CEBPA: variants seen among roughly 807,000 people sequenced by gnomAD.
CEBPA encodes the protein CCAAT/enhancer-binding protein alpha.
A neutral mutation model predicts 5.1 loss-of-function variants in CEBPA; 2 were observed. The observed-to-expected ratio is 0.39, with a 90% CI of 0.16 to 1.23. The LOEUF (loss-of-function observed/expected upper bound fraction) is 1.23. CEBPA is among the 50% of genes most tolerant of loss of function. The pLI, the probability that CEBPA is intolerant of heterozygous loss-of-function variation, is 0.34. For synonymous variants in CEBPA, 275 were observed against 264.1 expected (o/e 1.04, Z -0.40); for missense variants, 455 against 537.4 (o/e 0.85, Z 1.52).
Position 33,302,001 on chromosome 19 carries a change from G to A in CEBPA, c.414C>T (p.Tyr138=), listed in dbSNP as rs2145262272. The A allele has an allele frequency of 4.2e-6, 5 of 1,185,250 alleles. No individual in the cohort carries two copies. Among genetic ancestry groups the A allele is most frequent in the Non-Finnish European group, 5.2e-6 (5 of 956,710 alleles). The allele number at this position is 1,185,250 out of a possible 1,614,324, so 73.4% of individuals were successfully genotyped here. A position where few individuals can be genotyped will look rare whatever the true frequency, so the allele number is the denominator to read the frequency against. ...ACAGGGGCTCCAGCCTGCCGTCCAG[G>A]TAGCCGGCGGCCGCGCAGCCGTAGC... ...PPGYGCAAAG[Y]LDGRLEPLYE... Residue 138 remains tyrosine, a synonymous_variant, in exon 1 of 1, where the codon TAC becomes TAT. Coordinates refer to ENST00000498907, the MANE Select transcript of CEBPA (RefSeq NM_004364.5).
In CEBPA at chr19:33,301,768, G is replaced by C; in HGVS notation, c.647C>G (p.Thr216Ser). 1 of 1,205,190 alleles carries C rather than the reference G, an allele frequency of 8.3e-7. No homozygotes were observed. Among genetic ancestry groups the C allele is most frequent in the Non-Finnish European group, 1.0e-6 (1 of 970,872 alleles). 74.7% of individuals were successfully genotyped at this position (1,205,190 alleles called of 1,614,324 possible). The change falls in exon 1 of 1, where the codon ACC becomes AGC. Residue 216 changes from threonine (T) to serine (S), a missense_variant. This residue lies in a region of CEBPA where 118 missense variants were observed against 189.3 expected (regional missense o/e 0.62). Coordinates refer to ENST00000498907, the MANE Select transcript of CEBPA (RefSeq NM_004364.5). This position sits in a 1 kb window ranked among gnomAD's most constrained non-coding sequence, Gnocchi z 6.0. ...LQFQIAHCGQ[T>S]TMHLQPGHPT... ...GTGACCGGGCTGCAGGTGCATGGTG[G>C]TCTGGCCGCAGTGCGCGATCTGGAA...
In CEBPA at chr19:33,301,563, C is replaced by A. The variant is rs376856647; in HGVS notation, c.852G>T (p.Glu284Asp). 1 of 1,612,826 alleles carries A rather than the reference C, an allele frequency of 6.2e-7. No homozygotes were observed. Among genetic ancestry groups the A allele is most frequent in the Non-Finnish European group, 8.5e-7 (1 of 1,179,690 alleles). ...TGTTGCGCTCGCGCCGCACCCGGTA[C>A]TCGTTGCTGTTCTTGTCCACCGACT... ...AKKSVDKNSN[E>D]YRVRRERNNI... The change falls in exon 1 of 1, where the codon GAG becomes GAT. Residue 284 changes from glutamate (E) to aspartate (D), a missense_variant. Coordinates refer to ENST00000498907, the MANE Select transcript of CEBPA (RefSeq NM_004364.5). The surrounding 1 kb of genome is among the most constrained non-coding windows in gnomAD (Gnocchi z 6.0).
rs1967168282 is a variant in CEBPA at position 33,301,622 on chromosome 19, C to T, written c.793G>A (p.Ala265Thr). The change falls in exon 1 of 1, where the codon GCG becomes ACG. Residue 265 changes from alanine (A) to threonine (T), a missense_variant. Transcript: ENST00000498907. The surrounding 1 kb of genome is among the most constrained non-coding windows in gnomAD (Gnocchi z 6.0). ...GLGAAHPDLR[A>T]SGGSGAGKAK... ...TTGCCCGCGCCGCTGCCGCCACTCGCGCGGAGGTCGGGGTGCGCGGCGCCC... is the reference window on the plus strand; with the variant it reads ...TTGCCCGCGCCGCTGCCGCCACTCGTGCGGAGGTCGGGGTGCGCGGCGCCC... The T allele has an allele frequency of 1.3e-5, 20 of 1,586,336 alleles. No homozygotes were observed. The highest frequency in any genetic ancestry group is 1.6e-5 in the Non-Finnish European group (19 of 1,169,628).
In CEBPA at chr19:33,301,725, C is replaced by A. The variant is rs34529039; in HGVS notation, c.690G>T (p.Thr230=). ...GCGCGGGGTGCGGGCTGGGCACGGG[C>A]GTGGGCGGCGGCGTGGGGTGACCGG... The part of the protein sequence containing the change: ...LQPGHPTPPP[T]PVPSPHPAPA... Residue 230 remains threonine, a synonymous_variant, in exon 1 of 1, where the codon ACG becomes ACT. Coordinates refer to ENST00000498907, the MANE Select transcript of CEBPA (RefSeq NM_004364.5). This position sits in a 1 kb window ranked among gnomAD's most constrained non-coding sequence, Gnocchi z 6.0. 0.14 allele frequency: 161,377 copies of A among 1,149,514 alleles called. 12,241 individuals carry two copies. Among genetic ancestry groups the A allele is most frequent in the African/African-American group, 0.26 (15,685 of 60,904 alleles). The allele number at this position is 1,149,514 out of a possible 1,614,324, so 71.2% of individuals were successfully genotyped here.
Position 33,302,088 on chromosome 19 carries a change from C to G in CEBPA, c.327G>C (p.Pro109=), listed in dbSNP as rs1269033726. 7.7e-7 allele frequency: 1 copy of G among 1,300,314 alleles called. No homozygotes were observed. Among genetic ancestry groups the G allele is most frequent in the Non-Finnish European group, 9.8e-7 (1 of 1,018,274 alleles). The allele number at this position is 1,300,314 out of a possible 1,614,324, so 80.5% of individuals were successfully genotyped here. A position where few individuals can be genotyped will look rare whatever the true frequency, so the allele number is the denominator to read the frequency against. ...CGCCGCCGGGGCCCGCGGGCGCGCCCGGGTAGTCAAAGTCGCCGCCGCCGC... is the reference window on the plus strand; with the variant it reads ...CGCCGCCGGGGCCCGCGGGCGCGCCGGGGTAGTCAAAGTCGCCGCCGCCGC... ...GGGGGGDFDY[P]GAPAGPGGAV... is the part of the protein sequence containing the mutation. Residue 109 remains proline (P), a synonymous_variant, in exon 1 of 1, where the codon CCG becomes CCC. Transcript: ENST00000498907.
Position 33,300,017 on chromosome 19 carries a change from C to G in CEBPA, c.*1321G>C, listed in dbSNP as rs1600018005. On this transcript the variant is annotated 3_prime_UTR_variant, in exon 1 of 1. Transcript: ENST00000498907. Reference sequence around the variant, plus strand: ...TACGTTCTCCCCAAAAGAAGAGAACCAAGCCGTCCTTCCCTGCTCCCAGCC... The same window carrying G: ...TACGTTCTCCCCAAAAGAAGAGAACGAAGCCGTCCTTCCCTGCTCCCAGCC... The G allele has an allele frequency of 4.3e-6, 1 of 233,336 alleles. No homozygotes were observed. The highest frequency in any genetic ancestry group is 6.0e-5 in the East Asian group (1 of 16,690). 14.5% of individuals were successfully genotyped at this position (233,336 alleles called of 1,614,324 possible).
In CEBPA at chr19:33,301,081, C is replaced by T. The variant is rs1568418704; in HGVS notation, c.*257G>A. 2 of 601,520 alleles carry T rather than the reference C, an allele frequency of 3.3e-6. No homozygotes were observed. The highest frequency in any genetic ancestry group is 5.8e-6 in the Non-Finnish European group (2 of 344,846). The allele number at this position is 601,520 out of a possible 1,614,324, so 37.3% of individuals were successfully genotyped here. A position where few individuals can be genotyped will look rare whatever the true frequency, so the allele number is the denominator to read the frequency against. ...AGGTTATCCTAAATACTAGAGTTGC[C>T]GGGCTCCCAGCTCAGCCCCAAGAAT... is the stretch of plus-strand genomic sequence containing the variant. On this transcript the variant is annotated 3_prime_UTR_variant, in exon 1 of 1. Transcript: ENST00000498907. This position sits in a 1 kb window ranked among gnomAD's most constrained non-coding sequence, Gnocchi z 6.0.
Position 33,302,137 on chromosome 19 carries a change from G to C in CEBPA, c.278C>G (p.Ala93Gly), listed in dbSNP as rs1967191835. ...QHSRQQEKAK[A>G]AVGPTGGGGG... ...GCCGCCGCCCGTGGGGCCCACGGCCGCCTTGGCCTTCTCCTGCTGCCGGCT... is the reference window on the plus strand; with the variant it reads ...GCCGCCGCCCGTGGGGCCCACGGCCCCCTTGGCCTTCTCCTGCTGCCGGCT... The change falls in exon 1 of 1, where the codon GCG (alanine) becomes GGG (glycine). Residue 93 changes from alanine (A) to glycine (G), a missense_variant. Around this residue, in one of 5 missense-constraint regions of CEBPA, gnomAD observed 143 missense variants for 153.9 expected, o/e 0.93. Transcript: ENST00000498907. 3 of 1,402,796 alleles carry C rather than the reference G, an allele frequency of 2.1e-6. No homozygotes were observed. Among genetic ancestry groups the C allele is most frequent in the Non-Finnish European group, 2.8e-6 (3 of 1,067,080 alleles). The allele number at this position is 1,402,796 out of a possible 1,614,324, so 86.9% of individuals were successfully genotyped here.
rs1182945213 is a variant in CEBPA at position 33,301,493 on chromosome 19, C to T, written c.922G>A (p.Val308Met). The T allele has an allele frequency of 1.2e-6, 2 of 1,613,616 alleles. No homozygotes were observed. The highest frequency in any genetic ancestry group is 2.2e-5 in the South Asian group (2 of 91,082). ...TCCAGCACCTTCTGCTGCGTCTCCA[C>T]GTTGCGCTGCTTGGCCTTGTCGCGG... ...KSRDKAKQRN[V>M]ETQQKVLELT... Residue 308 changes from valine to methionine, a missense_variant, in exon 1 of 1, where the codon GTG becomes ATG. Val to Met is a conservative substitution (Grantham distance 21). Transcript: ENST00000498907. This position sits in a 1 kb window ranked among gnomAD's most constrained non-coding sequence, Gnocchi z 6.0.
In CEBPA at chr19:33,302,465, G is replaced by A. The variant is rs1202292169; in HGVS notation, c.-51C>T. 1.0e-5 allele frequency: 12 copies of A among 1,186,014 alleles called. No individual in the cohort carries two copies. Among genetic ancestry groups the A allele is most frequent in the African/African-American group, 4.8e-5 (3 of 62,900 alleles). 73.5% of individuals were successfully genotyped at this position (1,186,014 alleles called of 1,614,324 possible). ...GGCGAGCCTCGGCGGCCTCCAGCCT[G>A]CGCGGGGCGTCGCCGCCGCCCACCC... On this transcript the variant is annotated 5_prime_UTR_variant, in exon 1 of 1. Coordinates refer to ENST00000498907, the MANE Select transcript of CEBPA (RefSeq NM_004364.5).
In CEBPA at chr19:33,302,417, G is replaced by C. The variant is rs1967205720; in HGVS notation, c.-3C>G. 3 of 1,274,812 alleles carry C rather than the reference G, an allele frequency of 2.4e-6. No individual in the cohort carries two copies. The highest frequency in any genetic ancestry group is 3.0e-6 in the Non-Finnish European group (3 of 1,008,438). 79.0% of individuals were successfully genotyped at this position (1,274,812 alleles called of 1,614,324 possible). ...TCGTAGAAGTCGGCCGACTCCATGG[G>C]GGAGTTAGAGTTCTCCCGGCATGGC... On this transcript the variant is annotated 5_prime_UTR_variant, in exon 1 of 1. Transcript: ENST00000498907.
rs1967151608 is a variant in CEBPA, at chr19:33,301,282, C to T, written c.*56G>A. ...AGCCTCGAGATCCGGCGACCCCAAA[C>T]CACTCCCTGGGTCCCCGCCGGAGGC... On this transcript the variant is annotated 3_prime_UTR_variant, in exon 1 of 1. Coordinates refer to ENST00000498907, the MANE Select transcript of CEBPA (RefSeq NM_004364.5). The surrounding 1 kb of genome is among the most constrained non-coding windows in gnomAD (Gnocchi z 6.0). The T allele has an allele frequency of 5.9e-6, 9 of 1,523,066 alleles. No individual in the cohort carries two copies. The South Asian group carries it at 8.5e-5, about 14-fold the overall frequency. The allele number at this position is 1,523,066 out of a possible 1,614,324, so 94.3% of individuals were successfully genotyped here. A position where few individuals can be genotyped will look rare whatever the true frequency, so the allele number is the denominator to read the frequency against.
In CEBPA at chr19:33,301,752, C is replaced by T; in HGVS notation, c.663G>A (p.Gln221=). ...AHCGQTTMHL[Q]PGHPTPPPTP... ...TGGGCGGCGGCGTGGGGTGACCGGG[C>T]TGCAGGTGCATGGTGGTCTGGCCGC... Residue 221 remains glutamine (Q), a synonymous_variant, in exon 1 of 1, where the codon CAG becomes CAA. Coordinates refer to ENST00000498907, the MANE Select transcript of CEBPA (RefSeq NM_004364.5). This position sits in a 1 kb window ranked among gnomAD's most constrained non-coding sequence, Gnocchi z 6.0. 8.5e-7 allele frequency: 1 copy of T among 1,174,634 alleles called. No homozygotes were observed. Among genetic ancestry groups the T allele is most frequent in the Non-Finnish European group, 1.1e-6 (1 of 951,230 alleles). 72.8% of individuals were successfully genotyped at this position (1,174,634 alleles called of 1,614,324 possible).
In CEBPA at chr19:33,300,549, G is replaced by C. The variant is rs1386557714; in HGVS notation, c.*789C>G. 2.1e-5 allele frequency: 5 copies of C among 233,708 alleles called. No homozygotes were observed. Among genetic ancestry groups the C allele is most frequent in the Non-Finnish European group, 4.2e-5 (5 of 118,132 alleles). 14.5% of individuals were successfully genotyped at this position (233,708 alleles called of 1,614,324 possible). A position where few individuals can be genotyped will look rare whatever the true frequency, so the allele number is the denominator to read the frequency against. Reference sequence around the variant, plus strand: ...CTTCACCCCCCATGCCCGCCCCACAGCCAGATCTCTAGGTCTCCCTCTCCC... The same window carrying C: ...CTTCACCCCCCATGCCCGCCCCACACCCAGATCTCTAGGTCTCCCTCTCCC... On this transcript the variant is annotated 3_prime_UTR_variant, in exon 1 of 1. Coordinates refer to ENST00000498907, the MANE Select transcript of CEBPA (RefSeq NM_004364.5).
chr19:33,302,447 C>T lies in CEBPA; in HGVS notation c.-33G>A. 2 of 1,238,830 alleles carry T rather than the reference C, an allele frequency of 1.6e-6. No individual in the cohort carries two copies. Among genetic ancestry groups the T allele is most frequent in the East Asian group, 3.2e-5 (1 of 30,872 alleles). The allele number at this position is 1,238,830 out of a possible 1,614,324, so 76.7% of individuals were successfully genotyped here. On this transcript the variant is annotated 5_prime_UTR_variant, in exon 1 of 1. Coordinates refer to ENST00000498907, the MANE Select transcript of CEBPA (RefSeq NM_004364.5). Reference sequence around the variant, plus strand: ...TTAGAGTTCTCCCGGCATGGCGAGCCTCGGCGGCCTCCAGCCTGCGCGGGG... The same window carrying T: ...TTAGAGTTCTCCCGGCATGGCGAGCTTCGGCGGCCTCCAGCCTGCGCGGGG...
Position 33,301,165 on chromosome 19 carries a change from T to C in CEBPA, c.*173A>G. 8.6e-7 allele frequency: 1 copy of C among 1,158,442 alleles called. No individual in the cohort carries two copies. Among genetic ancestry groups the C allele is most frequent in the Non-Finnish European group, 1.2e-6 (1 of 847,128 alleles). 71.8% of individuals were successfully genotyped at this position (1,158,442 alleles called of 1,614,324 possible). A position where few individuals can be genotyped will look rare whatever the true frequency, so the allele number is the denominator to read the frequency against. On this transcript the variant is annotated 3_prime_UTR_variant, in exon 1 of 1. Coordinates refer to ENST00000498907, the MANE Select transcript of CEBPA (RefSeq NM_004364.5). The surrounding 1 kb of genome is among the most constrained non-coding windows in gnomAD (Gnocchi z 6.0). The stretch of plus-strand genomic sequence containing the variant: ...GCCCCCTCATCTTAGACGCACCAAG[T>C]CCGGCGCAGAGGAAGGGAGGGGACA...
rs1264760427 is a variant in CEBPA, at chr19:33,301,387, C to T, written c.1028G>A (p.Arg343His). The change falls in exon 1 of 1, where the codon CGC (arginine) becomes CAC (histidine). Residue 343 changes from arginine (R) to histidine (H), a missense_variant. By Grantham distance (29) the Arg-to-His change is conservative. Coordinates refer to ENST00000498907, the MANE Select transcript of CEBPA (RefSeq NM_004364.5). This position sits in a 1 kb window ranked among gnomAD's most constrained non-coding sequence, Gnocchi z 6.0. The part of the protein sequence containing the change: ...RELDTLRGIF[R>H]QLPESSLVKA... ...GACCAAGGAGCTCTCTGGCAGCTGG[C>T]GGAAGATGCCCCGCAGCGTGTCCAG... 6.2e-7 allele frequency: 1 copy of T among 1,608,960 alleles called. No homozygotes were observed. Among genetic ancestry groups the T allele is most frequent in the Non-Finnish European group, 8.5e-7 (1 of 1,179,464 alleles).
rs1162467731 is a variant in CEBPA, at chr19:33,301,600, C to A, written c.815G>T (p.Gly272Val). 6.2e-7 allele frequency: 1 copy of A among 1,601,144 alleles called. No homozygotes were observed. The highest frequency in any genetic ancestry group is 1.7e-5 in the Admixed American group (1 of 58,636). ...CTTGTCCACCGACTTCTTGGCCTTG[C>A]CCGCGCCGCTGCCGCCACTCGCGCG... ...DLRASGGSGA[G>V]KAKKSVDKNS... Residue 272 changes from glycine (G) to valine (V), a missense_variant, in exon 1 of 1, where the codon GGC becomes GTC. By Grantham distance (109) the Gly-to-Val change is moderately radical (BLOSUM62 -3). Transcript: ENST00000498907. This position sits in a 1 kb window ranked among gnomAD's most constrained non-coding sequence, Gnocchi z 6.0.
rs878854703 is a variant in CEBPA, at chr19:33,301,839, C to A, written c.576G>T (p.Pro192=). 3.9e-6 allele frequency: 5 copies of A among 1,289,770 alleles called. No individual in the cohort carries two copies. In the South Asian group the frequency reaches 1.0e-4, roughly 26 times the overall value. The allele number at this position is 1,289,770 out of a possible 1,614,324, so 79.9% of individuals were successfully genotyped here. Reference sequence around the variant, plus strand: ...GGTGCGCGGGCGGCGGGTGCGGGTGCGGGTGCGAGGGCGGCGGCGGCGGCG... The same window carrying A: ...GGTGCGCGGGCGGCGGGTGCGGGTGAGGGTGCGAGGGCGGCGGCGGCGGCG... ...QPPPPPPPSH[P]HPHPPPAHLA... Residue 192 remains proline (P), a synonymous_variant, in exon 1 of 1, where the codon CCG becomes CCT. Coordinates refer to ENST00000498907, the MANE Select transcript of CEBPA (RefSeq NM_004364.5). The surrounding 1 kb of genome is among the most constrained non-coding windows in gnomAD (Gnocchi z 6.0).
Sources: allele counts gnomAD v4.1 joint callset, GRCh38; gene constraint gnomAD v4.1.1; regional missense constraint gnomAD v4.1.1; non-coding constraint Gnocchi (gnomAD v3.1); transcripts MANE v1.5; gene names NCBI Gene and HGNC (gene_info 2026-07-23, HGNC 2026-07-21).